The following BIK variants were observed in gnomAD, a reference collection of about 807,000 sequenced individuals.
BIK encodes BCL2 interacting killer.
In BIK, 14 loss-of-function variants were observed where a neutral mutation model predicts 12.1. The observed-to-expected ratio is 1.16, with a 90% CI of 0.77 to 1.81. The LOEUF (loss-of-function observed/expected upper bound fraction) is 1.81, where lower values mean the gene tolerates loss of function less well. Ranked by LOEUF, BIK falls within the 40% of genes most tolerant of loss-of-function variation. The pLI, the probability that BIK is intolerant of heterozygous loss-of-function variation, is 0.00. For synonymous variants in BIK, 86 were observed against 92.3 expected, an observed-to-expected ratio of 0.93 and a Z score of 0.39; for missense variants, 215 against 207.9, an observed-to-expected ratio of 1.03 and a Z score of -0.21.
In BIK at chr22:43,126,029, C is replaced by CT. The variant is rs536702353; in HGVS notation, c.162-1651dup. Among the ~76,000 whole-genome samples the CT allele has an allele frequency of 4.2e-3, 586 of 140,644 alleles. 1 individual carries two copies. Among genetic ancestry groups the CT allele is most frequent in the African/African-American group, 9.0e-3 (338 of 37,538 alleles). The allele number at this position is 140,644 out of a possible 152,430, so 92.3% of individuals were successfully genotyped here. The stretch of plus-strand genomic sequence containing the variant: ...ATCCCAGCGGCAGGAAGGACCTGCA[C>CT]TTTTTTTTTTTTTTTTTGAGACAGA... On this transcript the variant is annotated intron_variant, in intron 2 of 4. Coordinates refer to ENST00000216115, the MANE Select transcript of BIK (RefSeq NM_001197.5).
At chr22:43,127,994 A>T (rs2235317) in intron 3 of BIK, among the ~76,000 whole-genome samples, 199 bp downstream of exon 3, 76,555 of 151,836 alleles carry the variant, frequency 0.5, 23,271 homozygotes, top group Non-Finnish European at 0.67. Flanking sequence ...GCCCCCTGCC[A>T]CCTGTCCCTG....
chr22:43,113,284 G>A (rs1930045680), intron 1 of BIK, among the ~76,000 whole-genome samples: 2 of 152,220 alleles, frequency 1.3e-5, no homozygotes, highest in Non-Finnish European at 2.9e-5. Context: ...GGATAGAGAG[G>A]CTGCATACAT....
rs1340125925 is a variant in BIK at position 43,129,375 on chromosome 22, C to G, written c.*70C>G. 2 of 1,524,504 alleles carry G rather than the reference C, an allele frequency of 1.3e-6. No homozygotes were observed. Among genetic ancestry groups the G allele is most frequent in the Non-Finnish European group, 1.7e-6 (2 of 1,146,742 alleles). 94.4% of individuals were successfully genotyped at this position (1,524,504 alleles called of 1,614,324 possible). ...CTGCCCTGGAGGTGGCGGCCTGCTG[C>G]TGTTATCTTTTTAACTGTTTTCTCA... On this transcript the variant is annotated 3_prime_UTR_variant, in exon 5 of 5. Coordinates refer to ENST00000216115, the MANE Select transcript of BIK (RefSeq NM_001197.5).
At chr22:43,116,882 G>A (rs942295131) in intron 1 of BIK, among the ~76,000 whole-genome samples, 3 of 152,162 alleles carry the variant, frequency 2.0e-5, no homozygotes, top group African/African-American at 7.2e-5. Context: ...GGAGACTACA[G>A]TGAGCCATGT....
Position 43,129,226 on chromosome 22 carries a change from A to G in BIK, c.404A>G (p.Gln135Arg), listed in dbSNP as rs866956508. 3 of 1,604,674 alleles carry G rather than the reference A, an allele frequency of 1.9e-6. No individual in the cohort carries two copies. Among genetic ancestry groups the G allele is most frequent in the Non-Finnish European group, 1.7e-6 (2 of 1,179,786 alleles). The change falls in exon 5 of 5, where the codon CAG becomes CGG. Residue 135 changes from glutamine to arginine, a missense_variant. Coordinates refer to ENST00000216115, the MANE Select transcript of BIK (RefSeq NM_001197.5). ...TTGCTCCCACAGGTGTCCTGCGAAC[A>G]GGTGCTGCTGGCGCTGCTGCTGCTG... ...PNPGSWVSCE[Q>R]VLLALLLLLA...
intron 1 of BIK, among the ~76,000 whole-genome samples, chr22:43,115,335 G>A (rs1930089966): frequency 6.8e-6 from 1 of 147,342 alleles, no homozygotes; most frequent in South Asian, 2.1e-4. Context: ...TGAAAGGGCT[G>A]GGTGCAAGTT....
chr22:43,114,029 C>T (rs951608193), intron 1 of BIK, among the ~76,000 whole-genome samples: 3 of 152,162 alleles, frequency 2.0e-5, no homozygotes, highest in Admixed American at 6.6e-5. Flanking sequence ...CAAATCAGTC[C>T]GTGGCCCCTA....
intron 1 of BIK, among the ~76,000 whole-genome samples, chr22:43,113,344 G>T (rs1412903935): frequency 6.6e-6 from 1 of 152,190 alleles, no homozygotes; most frequent in Non-Finnish European, 1.5e-5. Context: ...TTTCGCTCTT[G>T]TTGCCCAGGC....
At chr22:43,115,752 C>A (rs970994523) in intron 1 of BIK, among the ~76,000 whole-genome samples, 1 of 151,958 alleles carries the variant, frequency 6.6e-6, no homozygotes, top group African/African-American at 2.4e-5. Flanking sequence ...TGTGAGCCAC[C>A]GCGTCTGGCC....
intron 1 of BIK, among the ~76,000 whole-genome samples, chr22:43,113,630 C>T (rs1043034450): frequency 1.3e-5 from 2 of 151,570 alleles, no homozygotes; most frequent in Non-Finnish European, 2.9e-5. Flanking sequence ...TTTTTTTCCC[C>T]CATTTCTGAT....
rs1197080787 is a variant in BIK at position 43,129,502 on chromosome 22, T to TGGAATAAAAAA, written c.*197_*198insGGAATAAAAAA. 5.4e-6 allele frequency: 5 copies of TGGAATAAAAAA among 926,878 alleles called. No individual in the cohort carries two copies. The African/African-American group carries it at 8.5e-5, about 16-fold the overall frequency. The allele number at this position is 926,878 out of a possible 1,614,324, so 57.4% of individuals were successfully genotyped here. A position where few individuals can be genotyped will look rare whatever the true frequency, so the allele number is the denominator to read the frequency against. ...TTTTTATTCCAGTTTTCGTTTTTTC[T>TGGAATAAAAAA]AAAAGATGAATTCCTATGGCTCTGC... On this transcript the variant is annotated 3_prime_UTR_variant, in exon 5 of 5. Transcript: ENST00000216115.
rs542371548 is a variant in BIK at position 43,128,976 on chromosome 22, C to T, written c.391-237C>T. 2.3e-4 allele frequency among the ~76,000 whole-genome samples: 35 copies of T among 152,364 alleles called. No individual in the cohort carries two copies. In the South Asian group the frequency reaches 2.5e-3, roughly 11 times the overall value. ...GGGCAGCTGACTGCCCTCACCTGTGCCCACCGGGTGTCTTTGCCTGTGTCC... is the reference window on the plus strand; with the variant it reads ...GGGCAGCTGACTGCCCTCACCTGTGTCCACCGGGTGTCTTTGCCTGTGTCC... On this transcript the variant is annotated intron_variant, in intron 4 of 4. Transcript: ENST00000216115.
At chr22:43,127,944 T>G in intron 3 of BIK, 149 bp downstream of exon 3, 2 of 778,016 alleles carry the variant, frequency 2.6e-6, no homozygotes, top group Non-Finnish European at 4.0e-6. Flanking sequence ...CCTTGGCTGC[T>G]TCCCGCACCT....
chr22:43,112,479 G>C (rs951920682), intron 1 of BIK, among the ~76,000 whole-genome samples: 8 of 151,638 alleles, frequency 5.3e-5, no homozygotes, highest in African/African-American at 1.9e-4. Flanking sequence ...GATTACAGGT[G>C]TGACCCACCC....
intron 1 of BIK, among the ~76,000 whole-genome samples, chr22:43,114,717 G>A (rs1374896340): frequency 6.6e-6 from 1 of 152,238 alleles, no homozygotes; most frequent in African/African-American, 2.4e-5. Flanking sequence ...TGCAGACAAT[G>A]GCGCATCATG....
In BIK at chr22:43,129,246, C is replaced by T. The variant is rs762638652; in HGVS notation, c.424C>T (p.Leu142=). ...SCEQVLLALL[L]LLALLLPLLS... ...CGAACAGGTGCTGCTGGCGCTGCTG[C>T]TGCTGCTGGCGCTGCTGCTGCCGCT... Residue 142 remains leucine, a synonymous_variant, in exon 5 of 5, where the codon CTG becomes TTG. Transcript: ENST00000216115. 1 of 1,583,564 alleles carries T rather than the reference C, an allele frequency of 6.3e-7. No homozygotes were observed. The highest frequency in any genetic ancestry group is 8.6e-7 in the Non-Finnish European group (1 of 1,169,312).
chr22:43,124,348 G>C (rs1311911061), intron 2 of BIK, among the ~76,000 whole-genome samples, 165 bp downstream of exon 2: 2 of 152,094 alleles, frequency 1.3e-5, no homozygotes, highest in African/African-American at 2.4e-5. Flanking sequence ...TGCCCTGGGA[G>C]CGGCTTCACT....
Position 43,129,538 on chromosome 22 carries a change from G to A in BIK, c.*233G>A, listed in dbSNP as rs1054827909. On this transcript the variant is annotated 3_prime_UTR_variant, in exon 5 of 5. Coordinates refer to ENST00000216115, the MANE Select transcript of BIK (RefSeq NM_001197.5). Reference sequence around the variant, plus strand: ...TTCCTATGGCTCTGCAATTGTCACCGGTTAACTGTGGCCTGTGCCCAGGAA... The same window carrying A: ...TTCCTATGGCTCTGCAATTGTCACCAGTTAACTGTGGCCTGTGCCCAGGAA... 1.0e-4 allele frequency: 70 copies of A among 690,530 alleles called. No homozygotes were observed. The highest frequency in any genetic ancestry group is 1.5e-4 in the Non-Finnish European group (65 of 435,300). 42.8% of individuals were successfully genotyped at this position (690,530 alleles called of 1,614,324 possible).
chr22:43,127,843 G>T, intron 3 of BIK, 48 bp downstream of exon 3: 2 of 1,514,382 alleles, frequency 1.3e-6, no homozygotes, highest in Non-Finnish European at 1.8e-6. Context: ...GGGGCCCTGG[G>T]CGGTGGGTGG....
Sources: allele counts gnomAD v4.1 joint callset (sites outside exome capture counted in the v4.1 genomes callset), GRCh38; gene constraint gnomAD v4.1.1; transcripts MANE v1.5; gene names NCBI Gene and HGNC (gene_info 2026-07-23, HGNC 2026-07-21).